Variants in AKAP19 observed in about 807,000 individuals in gnomAD.
AKAP19 encodes the protein small A-kinase anchoring protein.
the AKAP19 span, among the ~76,000 whole-genome samples, chr2:190,039,411 C>A: frequency 6.6e-6 from 1 of 152,146 alleles, no homozygotes; most frequent in Non-Finnish European, 1.5e-5. Context: ...CAAATACATT[C>A]TTTTACCACC....
At chr2:190,158,736 G>C in the AKAP19 span, among the ~76,000 whole-genome samples, 2 of 152,200 alleles carry the variant, frequency 1.3e-5, no homozygotes, top group African/African-American at 2.4e-5. Context: ...AGTTCTCCCT[G>C]AATGGCAGAG....
the AKAP19 span, among the ~76,000 whole-genome samples, chr2:190,198,028 CCATCTTCAGTTCA>C: frequency 6.6e-6 from 1 of 152,118 alleles, no homozygotes; most frequent in Non-Finnish European, 1.5e-5. Flanking sequence ...AAGACAGTCC[CCATCTTCAGTTCA>C]GGCTAGTAAA....
chr2:190,088,731 T>G, the AKAP19 span, among the ~76,000 whole-genome samples: 52 of 152,354 alleles, frequency 3.4e-4, no homozygotes, highest in Admixed American at 7.2e-4. Context: ...AGATTTTTCC[T>G]GGACATCTCA....
At chr2:189,916,490 T>C in the AKAP19 span, among the ~76,000 whole-genome samples, 4 of 151,918 alleles carry the variant, frequency 2.6e-5, no homozygotes, top group African/African-American at 9.7e-5. Flanking sequence ...CCCAGCTAAT[T>C]TTTGTATTTT....
chr2:189,972,287 G>T, the AKAP19 span, among the ~76,000 whole-genome samples: 4 of 152,258 alleles, frequency 2.6e-5, no homozygotes, highest in African/African-American at 9.6e-5. Flanking sequence ...AGATCAGATG[G>T]TTGTAGATGT....
At chr2:190,138,161 T>C in the AKAP19 span, among the ~76,000 whole-genome samples, 1 of 152,182 alleles carries the variant, frequency 6.6e-6, no homozygotes, top group Non-Finnish European at 1.5e-5. Flanking sequence ...TTCTGAAAAA[T>C]TCATTCCTGG....
the AKAP19 span, among the ~76,000 whole-genome samples, chr2:189,975,134 G>A: frequency 6.6e-6 from 1 of 152,006 alleles, no homozygotes; most frequent in African/African-American, 2.4e-5. Context: ...GTTCCTTTCC[G>A]TGTTTAGTTC....
the AKAP19 span, among the ~76,000 whole-genome samples, chr2:190,046,558 C>A: frequency 1.3e-5 from 2 of 152,182 alleles, no homozygotes; most frequent in Non-Finnish European, 2.9e-5. Flanking sequence ...TTTTGACTTA[C>A]ATTTAACTGA....
chr2:190,189,236 G>A, the AKAP19 span, among the ~76,000 whole-genome samples: 4 of 152,180 alleles, frequency 2.6e-5, no homozygotes, highest in Non-Finnish European at 4.4e-5. Flanking sequence ...TCAAAGATGG[G>A]ACAGAGGTTC....
chr2:190,130,823 T>C, the AKAP19 span, among the ~76,000 whole-genome samples: 1 of 152,232 alleles, frequency 6.6e-6, no homozygotes, highest in Non-Finnish European at 1.5e-5. Flanking sequence ...AAAATGTATA[T>C]AATGGATTTT....
the AKAP19 span, among the ~76,000 whole-genome samples, chr2:190,061,250 G>C: frequency 6.6e-6 from 1 of 152,046 alleles, no homozygotes; most frequent in Non-Finnish European, 1.5e-5. Context: ...CTTGTTTAAA[G>C]TATATAAAGC....
At chr2:190,171,864 A>G in the AKAP19 span, among the ~76,000 whole-genome samples, 13 of 152,262 alleles carry the variant, frequency 8.5e-5, no homozygotes, top group African/African-American at 3.1e-4. Flanking sequence ...AGGTCAATAT[A>G]CTTTTTCATC....
the AKAP19 span, among the ~76,000 whole-genome samples, chr2:190,139,630 T>A: frequency 6.6e-6 from 1 of 152,074 alleles, no homozygotes; most frequent in Admixed American, 6.5e-5. Flanking sequence ...AAGCTCCTTA[T>A]AAAACCATCA....
chr2:190,069,239 A>G, the AKAP19 span, among the ~76,000 whole-genome samples: 5 of 151,512 alleles, frequency 3.3e-5, no homozygotes, highest in Non-Finnish European at 7.4e-5. Flanking sequence ...AGGGAGAAGT[A>G]TGAACTGAGC....
the AKAP19 span, among the ~76,000 whole-genome samples, chr2:190,184,700 G>A: frequency 1.3e-5 from 2 of 152,126 alleles, no homozygotes; most frequent in Admixed American, 6.5e-5. Flanking sequence ...TTTAAGTAAG[G>A]AACAGGGGAA....
chr2:190,178,292 A>G, the AKAP19 span, among the ~76,000 whole-genome samples: 1 of 152,212 alleles, frequency 6.6e-6, no homozygotes, highest in South Asian at 2.1e-4. This position sits in a 1 kb window ranked among gnomAD's most constrained non-coding sequence, Gnocchi z 6.3. Context: ...ACATGGCACC[A>G]TCTTGACCAG....
At chr2:190,182,225 T>C in the AKAP19 span, among the ~76,000 whole-genome samples, 1 of 152,206 alleles carries the variant, frequency 6.6e-6, no homozygotes, top group African/African-American at 2.4e-5. Context: ...TACGCTGAAC[T>C]GACAATCACT....
chr2:190,128,938 C>A, the AKAP19 span, among the ~76,000 whole-genome samples: 5 of 152,196 alleles, frequency 3.3e-5, no homozygotes, highest in African/African-American at 1.2e-4. Flanking sequence ...CAGAAAACAC[C>A]TACATATGGT....
chr2:189,886,991 A>C, the AKAP19 span, among the ~76,000 whole-genome samples: 1 of 152,064 alleles, frequency 6.6e-6, no homozygotes, highest in African/African-American at 2.4e-5. Flanking sequence ...CTTTTTTTTA[A>C]ATTTTTTTTA....
Sources: allele counts gnomAD v4.1 joint callset (sites outside exome capture counted in the v4.1 genomes callset), GRCh38; gene constraint gnomAD v4.1.1; non-coding constraint Gnocchi (gnomAD v3.1); transcripts MANE v1.5; gene names NCBI Gene and HGNC (gene_info 2026-07-23, HGNC 2026-07-21).